The following GMDS variants were observed in gnomAD, a reference collection of about 807,000 sequenced individuals.
GMDS encodes GDP-mannose 4,6-dehydratase.
Under a neutral mutation model 49.9 loss-of-function variants are expected in GMDS, and 20 were observed. That is an observed-to-expected ratio of 0.40 (90% CI 0.28 to 0.58). The LOEUF is 0.58. Ranked by LOEUF, GMDS falls within the 20% of genes least tolerant of loss-of-function variation. GMDS has a pLI of 0.42. For missense variants in GMDS, 362 were observed against 481.4 expected, an observed-to-expected ratio of 0.75 and a Z score of 2.32; for synonymous variants, 177 against 178.6, an observed-to-expected ratio of 0.99 and a Z score of 0.07.
intron 1 of GMDS, among the ~76,000 whole-genome samples, chr6:2,172,430 C>T (rs557198648): frequency 1.3e-5 from 2 of 152,248 alleles, no homozygotes; most frequent in East Asian, 1.9e-4. Context: ...CAGTGGCTCA[C>T]GCCTGCAATC....
chr6:2,232,206 G>A (rs1781141240), intron 1 of GMDS, among the ~76,000 whole-genome samples: 1 of 151,538 alleles, frequency 6.6e-6, no homozygotes, highest in South Asian at 2.1e-4. Context: ...TTACTCCTAA[G>A]ATTCTTACTT....
At chr6:2,103,669 A>C (rs535161016) in intron 4 of GMDS, among the ~76,000 whole-genome samples, 1 of 152,170 alleles carries the variant, frequency 6.6e-6, no homozygotes, top group African/African-American at 2.4e-5. Context: ...ATATGATTCT[A>C]CTTCATTAGA....
chr6:1,967,577 C>T (rs561381901), intron 4 of GMDS, among the ~76,000 whole-genome samples: 11 of 152,232 alleles, frequency 7.2e-5, no homozygotes, highest in East Asian at 5.8e-4. Flanking sequence ...TTCACAGTTA[C>T]GCTATATAAA....
intron 7 of GMDS, among the ~76,000 whole-genome samples, chr6:1,828,808 T>A (rs973125942): frequency 2.6e-5 from 4 of 152,214 alleles, no homozygotes; most frequent in African/African-American, 9.6e-5. Flanking sequence ...CTTGAAATTT[T>A]AAAAATGTAG....
rs79455818 is a variant in GMDS at position 1,633,008 on chromosome 6, G to A, written c.988-8468C>T. On this transcript the variant is annotated intron_variant, in intron 9 of 10. Coordinates refer to ENST00000380815, the MANE Select transcript of GMDS (RefSeq NM_001500.4). ...GATTCAGGTTTTAAATCTGTAAAACGGGGACAGCAAGGCTTGCAAAGTTGT... is the reference window on the plus strand; with the variant it reads ...GATTCAGGTTTTAAATCTGTAAAACAGGGACAGCAAGGCTTGCAAAGTTGT... Among the ~76,000 whole-genome samples the A allele has an allele frequency of 1.7e-3, 254 of 152,270 alleles. 1 individual carries two copies. The highest frequency in any genetic ancestry group is 3.2e-3 in the Non-Finnish European group (220 of 68,022).
intron 7 of GMDS, among the ~76,000 whole-genome samples, chr6:1,925,184 A>T (rs1761932282): frequency 6.6e-6 from 1 of 152,248 alleles, no homozygotes; most frequent in Non-Finnish European, 1.5e-5. Context: ...TGTATGTTTA[A>T]AAAGTTTTAT....
intron 4 of GMDS, among the ~76,000 whole-genome samples, chr6:2,077,207 T>A (rs1772396666): frequency 6.6e-6 from 1 of 152,156 alleles, no homozygotes; most frequent in East Asian, 1.9e-4. Context: ...CTTGTTTTTT[T>A]CTAATAAGAT....
intron 9 of GMDS, among the ~76,000 whole-genome samples, chr6:1,656,719 G>A (rs543305511): frequency 7.9e-5 from 12 of 151,592 alleles, no homozygotes; most frequent in South Asian, 2.1e-4. Context: ...AGCCGAGATC[G>A]CGCCACTGCA....
At chr6:1,912,553 T>C (rs942023598) in intron 7 of GMDS, among the ~76,000 whole-genome samples, 1 of 152,140 alleles carries the variant, frequency 6.6e-6, no homozygotes, top group African/African-American at 2.4e-5. Context: ...TAGTGCCTAC[T>C]GGGTGAATGT....
At chr6:2,016,061 T>C (rs1291939737) in intron 4 of GMDS, among the ~76,000 whole-genome samples, 1 of 95,342 alleles carries the variant, frequency 1.0e-5, no homozygotes, top group African/African-American at 4.0e-5. Flanking sequence ...AACAAAACCC[T>C]GTTTCTAAAA....
intron 4 of GMDS, among the ~76,000 whole-genome samples, chr6:1,991,329 G>A (rs1325491807): frequency 6.6e-6 from 1 of 151,938 alleles, no homozygotes; most frequent in Non-Finnish European, 1.5e-5. Flanking sequence ...AGTGCTCAAG[G>A]GCCCCCCTAA....
chr6:2,120,581 T>C (rs1775085975), intron 2 of GMDS, among the ~76,000 whole-genome samples: 1 of 152,222 alleles, frequency 6.6e-6, no homozygotes, highest in African/African-American at 2.4e-5. Flanking sequence ...CCAAGTTATT[T>C]AATATATTTT....
intron 7 of GMDS, among the ~76,000 whole-genome samples, chr6:1,894,953 A>C (rs1760075867): frequency 1.3e-5 from 2 of 152,206 alleles, no homozygotes; most frequent in South Asian, 4.1e-4. Context: ...TTCCAGACAA[A>C]AGATGTTCTT....
At chr6:1,908,410 C>T (rs555731239) in intron 7 of GMDS, among the ~76,000 whole-genome samples, 1 of 152,324 alleles carries the variant, frequency 6.6e-6, no homozygotes, top group South Asian at 2.1e-4. Flanking sequence ...CACTTAAAAG[C>T]TTAAACTAAT....
intron 6 of GMDS, among the ~76,000 whole-genome samples, chr6:1,954,259 T>A (rs1359530937): frequency 6.6e-6 from 1 of 152,256 alleles, no homozygotes; most frequent in East Asian, 1.9e-4. Context: ...AAAAATTACT[T>A]TATCACTGAA....
chr6:1,650,995 C>A (rs1187355941), intron 9 of GMDS, among the ~76,000 whole-genome samples: 1 of 152,192 alleles, frequency 6.6e-6, no homozygotes, highest in African/African-American at 2.4e-5. Context: ...ACTCGGCAAC[C>A]CTGCCATGTC....
At chr6:1,809,316 T>C (rs1770313084) in intron 7 of GMDS, among the ~76,000 whole-genome samples, 1 of 152,188 alleles carries the variant, frequency 6.6e-6, no homozygotes, top group Admixed American at 6.5e-5. Context: ...GTGGCTACTA[T>C]GAAACTTCCA....
intron 8 of GMDS, among the ~76,000 whole-genome samples, chr6:1,731,561 C>T (rs552502349): frequency 3.9e-5 from 6 of 152,302 alleles, no homozygotes; most frequent in African/African-American, 1.2e-4. Context: ...CTTCAAAGTT[C>T]TGAAGGAAAA....
intron 1 of GMDS, among the ~76,000 whole-genome samples, chr6:2,208,256 A>G (rs1779896215): frequency 6.6e-6 from 1 of 152,176 alleles, no homozygotes; most frequent in Admixed American, 6.5e-5. Flanking sequence ...CTGCTGCTGG[A>G]GCAGTTTAGA....
Sources: allele counts gnomAD v4.1 joint callset (sites outside exome capture counted in the v4.1 genomes callset), GRCh38; gene constraint gnomAD v4.1.1; transcripts MANE v1.5; gene names NCBI Gene and HGNC (gene_info 2026-07-23, HGNC 2026-07-21).